SLC38A1: variants seen among roughly 807,000 people sequenced by gnomAD.
The protein encoded by SLC38A1 is solute carrier family 38 member 1, also known as sodium-coupled neutral amino acid symporter 1.
In SLC38A1, 18 loss-of-function variants were observed where a neutral mutation model predicts 60.3. That is an observed-to-expected ratio of 0.30 (90% CI 0.21 to 0.44). The LOEUF is 0.44. Among genes scored for constraint, SLC38A1 ranks in the 20% least tolerant of loss-of-function variants. The probability of loss-of-function intolerance (pLI) is 1.00; values close to 1 mark genes in which losing one functional copy is unlikely to be tolerated. For synonymous variants in SLC38A1, 196 were observed against 212.1 expected (o/e 0.92, Z 0.66); for missense variants, 448 against 587.2 (o/e 0.76, Z 2.45).
chr12:46,267,101 T>C (rs746628501), intron 1 of SLC38A1: 3 of 152,154 alleles, frequency 2.0e-5, no homozygotes, highest in Non-Finnish European at 2.9e-5. Context: ...AGGTGACAAA[T>C]TACACCCTCG....
rs1048203765 is a variant in SLC38A1, at chr12:46,190,797, A to C, written c.1363-1726T>G. Among the ~76,000 whole-genome samples, 8 of 151,912 alleles carry C rather than the reference A, an allele frequency of 5.3e-5. No individual in the cohort carries two copies. In the East Asian group the frequency reaches 1.2e-3, roughly 22 times the overall value. ...TTGATGGGGTTGCTTTTTTCTTGTAAATTTGTTTGAGTTCTTAGTAGATTC... is the reference window on the plus strand; with the variant it reads ...TTGATGGGGTTGCTTTTTTCTTGTACATTTGTTTGAGTTCTTAGTAGATTC... On this transcript the variant is annotated intron_variant, in intron 16 of 16. Transcript: ENST00000398637.
At chr12:46,209,745 A>G (rs1940066910) in intron 5 of SLC38A1, among the ~76,000 whole-genome samples, 1 of 152,184 alleles carries the variant, frequency 6.6e-6, no homozygotes, top group African/African-American at 2.4e-5. Context: ...GGAAAATTTG[A>G]CAATCAAGTA....
intron 3 of SLC38A1, among the ~76,000 whole-genome samples, chr12:46,231,183 G>A (rs1941063554): frequency 6.6e-6 from 1 of 152,118 alleles, no homozygotes; most frequent in Non-Finnish European, 1.5e-5. Context: ...TATATGAAAT[G>A]ACTCAGAAAC....
chr12:46,197,675 T>C, intron 16 of SLC38A1, 45 bp downstream of exon 16: 2 of 1,261,980 alleles, frequency 1.6e-6, no homozygotes, highest in Non-Finnish European at 2.3e-6. Context: ...TAAATTTAAA[T>C]GGAAAACTAA....
In SLC38A1 at chr12:46,249,045, AC is replaced by A. The variant is rs571799170; in HGVS notation, c.-208-5732del. Among the ~76,000 whole-genome samples the A allele has an allele frequency of 1.1e-3, 159 of 151,314 alleles. 1 individual carries two copies. The highest frequency in any genetic ancestry group is 3.7e-3 in the African/African-American group (152 of 41,236). The stretch of plus-strand genomic sequence containing the variant: ...GTGGCGGGTGCCTGTAGTCCCAGCT[AC>A]TTGGGAGGCTCAGGCAGGAGAATCG... On this transcript the variant is annotated intron_variant, in intron 1 of 16. Transcript: ENST00000398637.
In SLC38A1 at chr12:46,261,303, ACT is replaced by A. The variant is rs1942189555; in HGVS notation, c.-209+7221_-209+7222del. Among the ~76,000 whole-genome samples the A allele has an allele frequency of 2.0e-5, 3 of 152,200 alleles. No individual in the cohort carries two copies. The South Asian group carries it at 6.2e-4, about 32-fold the overall frequency. On this transcript the variant is annotated intron_variant, in intron 1 of 16. Coordinates refer to ENST00000398637, the MANE Select transcript of SLC38A1 (RefSeq NM_030674.4). ...ATTGTTCCAGTTGAGAACCTGCTTG[ACT>A]GTTTACCTGTGATGAATTCTTACAG...
chr12:46,240,017 G>A, intron 2 of SLC38A1, 124 bp from the exon 3 acceptor site: 1 of 491,626 alleles, frequency 2.0e-6, no homozygotes, highest in South Asian at 2.5e-5. Flanking sequence ...GCTACTAGAT[G>A]CATTAAAGCA....
chr12:46,202,288 T>C (rs1030256845), intron 12 of SLC38A1, among the ~76,000 whole-genome samples: 7 of 152,110 alleles, frequency 4.6e-5, no homozygotes, highest in Non-Finnish European at 7.4e-5. Context: ...ACGCCAAAGA[T>C]ATATGAGTGG....
intron 5 of SLC38A1, among the ~76,000 whole-genome samples, chr12:46,218,298 G>C (rs1940503654): frequency 6.6e-6 from 1 of 151,754 alleles, no homozygotes; most frequent in African/African-American, 2.4e-5. Context: ...CTCAAACCTA[G>C]ATCCCTACTC....
intron 2 of SLC38A1, 61 bp from the exon 3 acceptor site, chr12:46,239,954 A>G: frequency 1.6e-6 from 1 of 635,014 alleles, no homozygotes; most frequent in Non-Finnish European, 2.6e-6. Context: ...TTAAAAATAA[A>G]TTACCACAAA....
At chr12:46,252,653 T>A (rs1941891150) in intron 1 of SLC38A1, among the ~76,000 whole-genome samples, 1 of 151,760 alleles carries the variant, frequency 6.6e-6, no homozygotes, top group Non-Finnish European at 1.5e-5. Context: ...AAGAAAAAAG[T>A]TCACCTGTTA....
intron 12 of SLC38A1, among the ~76,000 whole-genome samples, chr12:46,201,865 T>C (rs1363125222): frequency 3.4e-5 from 5 of 148,794 alleles, no homozygotes; most frequent in African/African-American, 1.2e-4. Context: ...TGTCAAGGAA[T>C]CTAGGATGCC....
chr12:46,220,001 A>G (rs1482037831), intron 5 of SLC38A1, among the ~76,000 whole-genome samples: 3 of 152,200 alleles, frequency 2.0e-5, no homozygotes, highest in Non-Finnish European at 2.9e-5. Context: ...AAGAGAATTG[A>G]ATTCTTAGAA....
In SLC38A1 at chr12:46,187,841, T is replaced by C. The variant is rs1428388255; in HGVS notation, c.*1129A>G. ...AGAATTAATGAAGAAGAAATAGAAA[T>C]GAGGCTTATTTAAGGTACAAAATTC... On this transcript the variant is annotated 3_prime_UTR_variant, in exon 17 of 17. Transcript: ENST00000398637. 6.7e-6 allele frequency: 1 copy of C among 148,832 alleles called. No homozygotes were observed. Among genetic ancestry groups the C allele is most frequent in the African/African-American group, 2.5e-5 (1 of 39,882 alleles). The allele number at this position is 148,832 out of a possible 1,614,324, so 9.2% of individuals were successfully genotyped here.
intron 9 of SLC38A1, among the ~76,000 whole-genome samples, chr12:46,204,943 T>C (rs1350107978): frequency 2.6e-5 from 4 of 152,236 alleles, no homozygotes; most frequent in Non-Finnish European, 5.9e-5. Context: ...TGGACCCTGA[T>C]GGAGTCCTAT....
At chr12:46,215,782 G>T (rs1329841556) in intron 5 of SLC38A1, among the ~76,000 whole-genome samples, 1 of 152,130 alleles carries the variant, frequency 6.6e-6, no homozygotes, top group Non-Finnish European at 1.5e-5. Flanking sequence ...TCCTCTTCTA[G>T]ATCCAGTTAG....
intron 5 of SLC38A1, among the ~76,000 whole-genome samples, chr12:46,216,349 G>A (rs1042946739): frequency 2.0e-5 from 3 of 152,176 alleles, no homozygotes; most frequent in Admixed American, 6.5e-5. Flanking sequence ...ACTTAGTGTC[G>A]CCGTGTCTGT....
chr12:46,229,493 T>C, intron 4 of SLC38A1, 71 bp downstream of exon 4: 1 of 1,215,816 alleles, frequency 8.2e-7, no homozygotes, highest in African/African-American at 1.5e-5. Context: ...ACTATGCTAC[T>C]TGAATTAAAA....
intron 5 of SLC38A1, among the ~76,000 whole-genome samples, chr12:46,225,815 A>C (rs1023629550): frequency 6.6e-6 from 1 of 152,204 alleles, no homozygotes; most frequent in African/African-American, 2.4e-5. Context: ...ACAAACAAAA[A>C]TCAGCTTGTA....
Sources: gnomAD v4.1 joint callset for allele counts (sites outside exome capture counted in the v4.1 genomes callset) on GRCh38, gnomAD v4.1.1 for gene constraint, MANE v1.5 for transcripts, NCBI Gene and HGNC (gene_info 2026-07-23, HGNC 2026-07-21) for gene names.